The following NBPF8 variants were observed in gnomAD, a reference collection of about 807,000 sequenced individuals.
NBPF8 encodes the protein NBPF family member NBPF8.
chr1:120,420,464 G>C (rs111636993), intron 1 of NBPF8, among the ~76,000 whole-genome samples: 1 of 144,806 alleles, frequency 6.9e-6, no homozygotes, highest in Non-Finnish European at 1.5e-5. Context: ...CCACCCTGCC[G>C]TCCCCTTTCA....
intron 1 of NBPF8, among the ~76,000 whole-genome samples, chr1:120,421,274 G>A (rs1204659020): frequency 3.3e-5 from 5 of 152,182 alleles, no homozygotes; most frequent in East Asian, 1.9e-4. Context: ...ACTAGTTAGC[G>A]TGTTCCTGTT....
chr1:120,461,060 G>GTGTC (rs1661575255), intron 18 of NBPF8, among the ~76,000 whole-genome samples, 194 bp from the exon 17 acceptor site: 2 of 128,114 alleles, frequency 1.6e-5, no homozygotes, highest in Non-Finnish European at 1.6e-5. Context: ...GTGTGTGTGT[G>GTGTC]TGTGTCTTTC....
intron 15 of NBPF8, among the ~76,000 whole-genome samples, chr1:120,454,391 A>T (rs1661375676): frequency 6.6e-6 from 1 of 151,778 alleles, no homozygotes; most frequent in Admixed American, 6.6e-5. Flanking sequence ...CCTAGCTTCG[A>T]TTCAGTATCT....
rs1661736298 is a variant in NBPF8 at position 120,466,001 on chromosome 1, T to C, written n.3592T>C. 3.1e-6 allele frequency: 5 copies of C among 1,611,884 alleles called. No homozygotes were observed. In the South Asian group the frequency reaches 5.5e-5, roughly 18 times the overall value. ...AGGCTCAACAGCGTGCTGATGGAAG[T>C]GGAAGAGCCTGAAGTCTTACAGGAC... On this transcript the variant is annotated non_coding_transcript_exon_variant, in exon 25 of 25. Coordinates refer to ENST00000583271, the Ensembl canonical transcript of NBPF8.
exon 23 of NBPF8, chr1:120,464,509 T>C: frequency 2.8e-6 from 3 of 1,056,426 alleles, no homozygotes; most frequent in South Asian, 2.5e-5. Flanking sequence ...CTTTTATGCA[T>C]TGGAGGAAAA....
At chr1:120,460,206 A>G (rs1661539725) in intron 17 of NBPF8, among the ~76,000 whole-genome samples, 1 of 152,190 alleles carries the variant, frequency 6.6e-6, no homozygotes, top group African/African-American at 2.4e-5. Flanking sequence ...CAATCTCATA[A>G]ACTATCAAAT....
chr1:120,423,427 G>C lies in NBPF8; in HGVS notation n.270-2320G>C, dbSNP rs1436182998. Among the ~76,000 whole-genome samples, 10 of 107,614 alleles carry C rather than the reference G, an allele frequency of 9.3e-5. 5 individuals are homozygous for C. Among genetic ancestry groups the C allele is most frequent in the Admixed American group, 1.6e-4 (2 of 12,414 alleles). 70.6% of individuals were successfully genotyped at this position (107,614 alleles called of 152,430 possible). ...AACCTCCATGGAAGATCAGTGGACT[G>C]TATGTAGGCCTGCTTCTGGGCTCCG... On this transcript the variant is annotated intron_variant and non_coding_transcript_variant, in intron 1 of 28. Transcript: ENST00000652355.
upstream of NBPF8, among the ~76,000 whole-genome samples, chr1:120,415,242 C>T (rs1553244925): frequency 1.3e-5 from 2 of 152,152 alleles, no homozygotes; most frequent in Non-Finnish European, 2.9e-5. Flanking sequence ...TGGGAAGTTA[C>T]GGTTTACAGC....
At chr1:120,468,521 T>C (rs1399217930), downstream of NBPF8, among the ~76,000 whole-genome samples, 1 of 149,720 alleles carries the variant, frequency 6.7e-6, no homozygotes, top group Non-Finnish European at 1.5e-5. Flanking sequence ...ACATGGTGTA[T>C]GTTCTCATTG....
At chr1:120,428,882 A>G (rs1660792528) in intron 3 of NBPF8, among the ~76,000 whole-genome samples, 1 of 151,796 alleles carries the variant, frequency 6.6e-6, no homozygotes, top group East Asian at 1.9e-4. Flanking sequence ...GAAAATAACA[A>G]TATCTTGACT....
At chr1:120,435,614 C>T (rs1157598664), upstream of NBPF8, among the ~76,000 whole-genome samples, 11 of 146,840 alleles carry the variant, frequency 7.5e-5, no homozygotes, top group African/African-American at 2.6e-4. Context: ...GAGGCCGAGG[C>T]GGCAGATCAC....
upstream of NBPF8, chr1:120,432,803 C>T (rs1660919253): frequency 6.7e-6 from 1 of 149,758 alleles, no homozygotes; most frequent in Admixed American, 6.6e-5. Context: ...TTTCCTCTAT[C>T]TTGGTTGTGG....
chr1:120,468,157 C>CT (rs1570949101), downstream of NBPF8, among the ~76,000 whole-genome samples: 3 of 150,352 alleles, frequency 2.0e-5, no homozygotes, highest in East Asian at 5.9e-4. Context: ...GATGTGTTTT[C>CT]TTTTTCCTAC....
At chr1:120,434,227 AATATAT>A (rs1172521758), upstream of NBPF8, among the ~76,000 whole-genome samples, 1 of 145,218 alleles carries the variant, frequency 6.9e-6, no homozygotes, top group Non-Finnish European at 1.5e-5. Context: ...AAAAGAAAAA[AATATAT>A]ATATATAATA....
At chr1:120,430,484 G>A (rs1268242191) in intron 3 of NBPF8, among the ~76,000 whole-genome samples, 2 of 110,842 alleles carry the variant, frequency 1.8e-5, no homozygotes, top group Non-Finnish European at 1.8e-5. Flanking sequence ...ACGGGGCACC[G>A]TGGCTCACAC....
At chr1:120,449,899 T>A (rs1187934219) in intron 11 of NBPF8, among the ~76,000 whole-genome samples, 1 of 152,104 alleles carries the variant, frequency 6.6e-6, no homozygotes, top group Non-Finnish European at 1.5e-5. Flanking sequence ...CTATTCCTAA[T>A]AGAACCTGTG....
upstream of NBPF8, among the ~76,000 whole-genome samples, chr1:120,435,608 C>T (rs1357685893): frequency 1.4e-5 from 2 of 147,924 alleles, no homozygotes; most frequent in Non-Finnish European, 3.0e-5. Flanking sequence ...CTTTGGGAGG[C>T]CGAGGCGGCA....
At chr1:120,465,922 G>A in intron 24 of NBPF8, 56 bp from the exon 23 acceptor site, 9 of 1,611,618 alleles carry the variant, frequency 5.6e-6, no homozygotes, top group Non-Finnish European at 5.9e-6. Context: ...ATCTAGTGGG[G>A]CTCTGTGGTG....
upstream of NBPF8, among the ~76,000 whole-genome samples, chr1:120,418,788 C>A (rs1699856): frequency 1.5e-4 from 23 of 149,040 alleles, no homozygotes; most frequent in African/African-American, 5.0e-4. Context: ...GCTCAAATGA[C>A]CCTCCCACCT....
Sources: gnomAD v4.1 joint callset for allele counts (sites outside exome capture counted in the v4.1 genomes callset) on GRCh38, gnomAD v4.1.1 for gene constraint, MANE v1.5 for transcripts, NCBI Gene and HGNC (gene_info 2026-07-23, HGNC 2026-07-21) for gene names.